Variants in ACSM3 observed in about 807,000 individuals in gnomAD.
ACSM3 encodes the protein acyl-CoA synthetase medium chain family member 3.
A neutral mutation model predicts 74.1 loss-of-function variants in ACSM3; 61 were observed. That is an observed-to-expected ratio of 0.82 (90% CI 0.67 to 1.02). The LOEUF is 1.02. ACSM3 is among the 50% of genes least tolerant of loss of function. The pLI is 0.00. For missense variants in ACSM3, 660 were observed against 697.0 expected, an observed-to-expected ratio of 0.95 and a Z score of 0.60; for synonymous variants, 213 against 241.5, an observed-to-expected ratio of 0.88 and a Z score of 1.09.
chr16:20,770,465 T>C (rs1346828135), intron 2 of ACSM3, among the ~76,000 whole-genome samples: 1 of 151,826 alleles, frequency 6.6e-6, no homozygotes, highest in Non-Finnish European at 1.5e-5. Context: ...TGACCCGAAA[T>C]GTCAATAGTT....
intron 1 of ACSM3, among the ~76,000 whole-genome samples, chr16:20,710,484 T>C (rs2079740701): frequency 6.6e-6 from 1 of 152,170 alleles, no homozygotes; most frequent in Non-Finnish European, 1.5e-5. Context: ...ATCTCAGTAA[T>C]TTTTAATTTT....
At chr16:20,775,536 C>G (rs919210756) in intron 2 of ACSM3, among the ~76,000 whole-genome samples, 2 of 152,102 alleles carry the variant, frequency 1.3e-5, no homozygotes, top group African/African-American at 4.8e-5. Context: ...GCTTTCATCT[C>G]TAGTTTTCAG....
chr16:20,787,348 G>A (rs1348715649), intron 9 of ACSM3, among the ~76,000 whole-genome samples: 3 of 152,100 alleles, frequency 2.0e-5, no homozygotes, highest in African/African-American at 4.8e-5. Flanking sequence ...TAGTAAGTTC[G>A]AACCATTTTA....
chr16:20,713,370 C>T (rs1470729802), intron 1 of ACSM3, among the ~76,000 whole-genome samples: 3 of 152,068 alleles, frequency 2.0e-5, no homozygotes, highest in African/African-American at 7.2e-5. Context: ...GAATATACAT[C>T]TCCATTAGTA....
chr16:20,718,947 TTAG>T (rs1215811403), intron 1 of ACSM3, among the ~76,000 whole-genome samples: 1 of 152,218 alleles, frequency 6.6e-6, no homozygotes, highest in Non-Finnish European at 1.5e-5. Context: ...AGAACAGTGC[TTAG>T]CACATTTTTA....
chr16:20,744,874 C>T (rs1466945017), intron 1 of ACSM3, among the ~76,000 whole-genome samples: 1 of 152,196 alleles, frequency 6.6e-6, no homozygotes, highest in Non-Finnish European at 1.5e-5. Flanking sequence ...AGAATCCTTC[C>T]TTGTGCAATT....
chr16:20,675,444 G>A (rs1423054911), intron 1 of ACSM3, among the ~76,000 whole-genome samples: 1 of 152,142 alleles, frequency 6.6e-6, no homozygotes, highest in African/African-American at 2.4e-5. Context: ...GCAGGGAAAG[G>A]CACGTTCCTG....
chr16:20,727,682 C>A (rs535274884), intron 1 of ACSM3, among the ~76,000 whole-genome samples: 1 of 152,164 alleles, frequency 6.6e-6, no homozygotes, highest in Non-Finnish European at 1.5e-5. Context: ...CTGCCTCCCC[C>A]TCATGCAGGA....
intron 1 of ACSM3, chr16:20,697,789 C>G (rs1275197626): frequency 6.6e-6 from 1 of 152,296 alleles, no homozygotes; most frequent in African/African-American, 2.4e-5. Context: ...GAAGGGGGAC[C>G]TTGAACAGAG....
At chr16:20,748,566 T>C (rs1198807034) in intron 1 of ACSM3, among the ~76,000 whole-genome samples, 1 of 152,210 alleles carries the variant, frequency 6.6e-6, no homozygotes, top group Admixed American at 6.5e-5. Context: ...AAATATTCAA[T>C]AAGTGTTCAC....
At chr16:20,692,851 T>C (rs370560257) in intron 1 of ACSM3, among the ~76,000 whole-genome samples, 1 of 152,126 alleles carries the variant, frequency 6.6e-6, no homozygotes, top group Non-Finnish European at 1.5e-5. Context: ...CTAAGCCCCT[T>C]AGATAGGAAT....
chr16:20,677,570 T>C (rs1289857357), intron 1 of ACSM3, among the ~76,000 whole-genome samples: 2 of 152,170 alleles, frequency 1.3e-5, no homozygotes, highest in African/African-American at 2.4e-5. Context: ...ATGTGATAGA[T>C]GAAGTGTTCT....
intron 2 of ACSM3, among the ~76,000 whole-genome samples, chr16:20,750,811 A>C (rs2079983269): frequency 6.6e-6 from 1 of 150,592 alleles, no homozygotes; most frequent in Admixed American, 6.6e-5. Context: ...AGGCCTCATA[A>C]TGTAGTAGAG....
chr16:20,682,722 G>C (rs2079472772), intron 1 of ACSM3, among the ~76,000 whole-genome samples: 1 of 152,110 alleles, frequency 6.6e-6, no homozygotes, highest in African/African-American at 2.4e-5. Context: ...CTTTTCTACT[G>C]TAAATGGATC....
At chr16:20,784,483 C>A (rs576205123) in intron 7 of ACSM3, 1 of 152,722 alleles carries the variant, frequency 6.5e-6, no homozygotes, top group East Asian at 1.9e-4. Flanking sequence ...TGGTACTTTT[C>A]ATTGCTGATT....
chr16:20,737,902 T>C, intron 1 of ACSM3: 1 of 1,613,836 alleles, frequency 6.2e-7, no homozygotes, highest in African/African-American at 1.3e-5. Context: ...TCGAGTCTTC[T>C]TTTTCTTGGT....
upstream of ACSM3, among the ~76,000 whole-genome samples, chr16:20,763,390 A>G (rs1410214210): frequency 6.6e-6 from 1 of 152,202 alleles, no homozygotes; most frequent in Non-Finnish European, 1.5e-5. Flanking sequence ...GTCAGTGGAA[A>G]CTGTGAATTC....
Position 20,678,011 on chromosome 16 carries a change from AAAAT to A in ACSM3, c.-190+3218_-190+3221del, listed in dbSNP as rs146714630. Among the ~76,000 whole-genome samples the A allele has an allele frequency of 8.3e-3, 1,195 of 143,822 alleles. 9 individuals are homozygous for A. The highest frequency in any genetic ancestry group is 0.02 in the African/African-American group (771 of 37,792). The allele number at this position is 143,822 out of a possible 152,430, so 94.4% of individuals were successfully genotyped here. On this transcript the variant is annotated intron_variant, in intron 1 of 3. Transcript: ENST00000561584. Reference sequence around the variant, plus strand: ...CCATAAAGGAAGAATACTAAAGGCTAAAATAAATAAATAAATAAATAAATAAATA... The same window carrying A: ...CCATAAAGGAAGAATACTAAAGGCTAAAATAAATAAATAAATAAATAAATA...
rs2080341135 is a variant in ACSM3 at position 20,781,023 on chromosome 16, A to G, written c.832A>G (p.Thr278Ala). Residue 278 changes from threonine (T) to alanine (A), a missense_variant, in exon 6 of 14, where the codon ACG becomes GCG. Coordinates refer to ENST00000289416, the MANE Select transcript of ACSM3 (RefSeq NM_005622.4). The stretch of plus-strand genomic sequence containing the variant: ...AGATGTGATGTGGAATACCTCAGAT[A>G]CGGGCTGGGCAAAGTCTGCATGGAG... ...PSDVMWNTSDTGWAKSAWSSV... is the reference protein window; with the variant it reads ...PSDVMWNTSDAGWAKSAWSSV... 2 of 1,614,090 alleles carry G rather than the reference A, an allele frequency of 1.2e-6. No individual in the cohort carries two copies. Among genetic ancestry groups the G allele is most frequent in the Non-Finnish European group, 1.7e-6 (2 of 1,180,060 alleles).
Sources: allele counts gnomAD v4.1 joint callset (sites outside exome capture counted in the v4.1 genomes callset), GRCh38; gene constraint gnomAD v4.1.1; transcripts MANE v1.5; gene names NCBI Gene and HGNC (gene_info 2026-07-23, HGNC 2026-07-21).